Variants in LARGE1 observed in about 807,000 individuals in gnomAD.
LARGE1 encodes xylosyl- and glucuronyltransferase LARGE1.
Under a neutral mutation model 87.6 loss-of-function variants are expected in LARGE1, and 43 were observed. The ratio of observed to expected loss-of-function variants is 0.49; its 90% CI spans 0.38 to 0.63. LARGE1 has a LOEUF of 0.63. Ranked by LOEUF, LARGE1 falls within the 30% of genes least tolerant of loss-of-function variation. The probability of loss-of-function intolerance (pLI) is 0.00; values close to 1 mark genes in which losing one functional copy is unlikely to be tolerated. For missense variants in LARGE1, 802 were observed against 1,000.2 expected (o/e 0.80, Z 2.67); for synonymous variants, 434 against 394.6 (o/e 1.10, Z -1.18).
At chr22:33,357,130 G>A (rs1365918662) in intron 9 of LARGE1, among the ~76,000 whole-genome samples, 1 of 152,092 alleles carries the variant, frequency 6.6e-6, no homozygotes, top group Non-Finnish European at 1.5e-5. Flanking sequence ...GTCCATCAAT[G>A]GCTTAACGTA....
At chr22:33,131,033 CAAAAAAAAAAAAAAA>C in the LARGE1 span, among the ~76,000 whole-genome samples, 1 of 70,940 alleles carries the variant, frequency 1.4e-5, no homozygotes, top group East Asian at 5.3e-4. Flanking sequence ...GACTCCGTCT[CAAAAAAAAAAAAAAA>C]AAAAAAAAAA....
intron 2 of LARGE1, among the ~76,000 whole-genome samples, chr22:33,657,722 C>T (rs772962243): frequency 6.6e-5 from 10 of 152,214 alleles, no homozygotes; most frequent in South Asian, 2.1e-4. Context: ...GCAGGTGCCA[C>T]GGATAACATT....
intron 1 of LARGE1, among the ~76,000 whole-genome samples, chr22:33,767,347 TG>T (rs1201821299): frequency 1.3e-5 from 2 of 151,500 alleles, no homozygotes; most frequent in African/African-American, 4.8e-5. Flanking sequence ...TTAAAAGTTT[TG>T]ATCTCTATGT....
intron 11 of LARGE1, among the ~76,000 whole-genome samples, chr22:33,310,141 CTG>C (rs1935401813): frequency 2.0e-5 from 3 of 152,078 alleles, no homozygotes; most frequent in Admixed American, 2.0e-4. Context: ...GCCTGAGAAT[CTG>C]TATTTCTGAC....
intron 1 of LARGE1, among the ~76,000 whole-genome samples, chr22:33,882,068 A>G (rs8138611): frequency 0.13 from 17,900 of 133,248 alleles, 1,337 homozygotes; most frequent in East Asian, 0.41. Context: ...TTTGAGACGG[A>G]GTCTCGCTCT....
rs565337738 is a variant in LARGE1 at position 33,505,190 on chromosome 22, C to T, written c.787+59658G>A. ...TGTCCTGTCCTCTCCCTGTGTCCCA[C>T]AGTGAGCAGAGGAGACCTGTGCTCA... On this transcript the variant is annotated intron_variant, in intron 6 of 14. Transcript: ENST00000397394. Among the ~76,000 whole-genome samples, 10 of 152,364 alleles carry T rather than the reference C, an allele frequency of 6.6e-5. No individual in the cohort carries two copies. In the South Asian group the frequency reaches 2.1e-3, roughly 32 times the overall value.
At chr22:33,882,521 G>T (rs535030383) in intron 1 of LARGE1, among the ~76,000 whole-genome samples, 1 of 152,136 alleles carries the variant, frequency 6.6e-6, no homozygotes, top group Admixed American at 6.5e-5. Context: ...TCAGCAGGGG[G>T]GCATTGTTAA....
At chr22:33,084,050 T>A in the LARGE1 span, among the ~76,000 whole-genome samples, 870 of 152,324 alleles carry the variant, frequency 5.7e-3, 6 homozygotes, top group Non-Finnish European at 6.1e-3. Context: ...GTCTCCCACA[T>A]GAGTTTGCTA....
chr22:33,320,588 G>C (rs1034243507), intron 10 of LARGE1, among the ~76,000 whole-genome samples: 3 of 152,198 alleles, frequency 2.0e-5, no homozygotes, highest in African/African-American at 4.8e-5. Flanking sequence ...CTAATATCAT[G>C]TGTTGCATGC....
chr22:33,155,579 T>A, the LARGE1 span, among the ~76,000 whole-genome samples: 2 of 152,242 alleles, frequency 1.3e-5, no homozygotes, highest in Admixed American at 1.3e-4. Flanking sequence ...GGTGACTTGG[T>A]TGCTGTTAAA....
intron 2 of LARGE1, among the ~76,000 whole-genome samples, chr22:33,674,246 C>A (rs1276443411): frequency 6.6e-6 from 1 of 152,254 alleles, no homozygotes. Context: ...ACCCAGCCAA[C>A]TTCCCATTCT....
chr22:33,921,278 C>T (rs1377513401), upstream of LARGE1, among the ~76,000 whole-genome samples: 2 of 152,148 alleles, frequency 1.3e-5, no homozygotes, highest in Non-Finnish European at 2.9e-5. The surrounding 1 kb of genome is among the most constrained non-coding windows in gnomAD (Gnocchi z 4.1). Context: ...CGGGCCGGGT[C>T]GGGATGAAAG....
chr22:33,314,290 T>A (rs1935915534), intron 11 of LARGE1, among the ~76,000 whole-genome samples: 1 of 152,084 alleles, frequency 6.6e-6, no homozygotes, highest in South Asian at 2.1e-4. Flanking sequence ...AGCCTGTGAA[T>A]CCCCAAGAGA....
At chr22:33,591,981 C>G (rs939805657) in intron 5 of LARGE1, among the ~76,000 whole-genome samples, 1 of 148,536 alleles carries the variant, frequency 6.7e-6, no homozygotes, top group Non-Finnish European at 1.5e-5. Flanking sequence ...AGCTATGATT[C>G]TGCCACTGCA....
chr22:33,528,130 C>T (rs542650856), intron 6 of LARGE1, among the ~76,000 whole-genome samples: 2 of 13,754 alleles, frequency 1.5e-4, no homozygotes, highest in Non-Finnish European at 4.0e-4. Flanking sequence ...TGGCAGAGGT[C>T]GGGGGGGGCG....
intron 12 of LARGE1, among the ~76,000 whole-genome samples, chr22:33,295,332 G>A (rs915126748): frequency 2.0e-5 from 3 of 152,198 alleles, no homozygotes; most frequent in African/African-American, 7.2e-5. Context: ...CCAGTGAGAG[G>A]CAAAGAAGGG....
chr22:33,642,749 A>G (rs2080482705), intron 3 of LARGE1, among the ~76,000 whole-genome samples: 1 of 147,124 alleles, frequency 6.8e-6, no homozygotes, highest in Admixed American at 6.8e-5. Flanking sequence ...AGGAGATGCA[A>G]TCCTAGTCTC....
Position 33,347,245 on chromosome 22 carries a change from C to T in LARGE1, c.1132-9444G>A, listed in dbSNP as rs1265171603. Among the ~76,000 whole-genome samples the T allele has an allele frequency of 2.6e-5, 4 of 152,352 alleles. No homozygotes were observed. The South Asian group carries it at 6.2e-4, about 24-fold the overall frequency. On this transcript the variant is annotated intron_variant, in intron 9 of 14. Coordinates refer to ENST00000397394, the MANE Select transcript of LARGE1 (RefSeq NM_133642.5). ...GGTAGCTCTATTAGAGAACTCATTG[C>T]ATGCTTCTTGTAATTATTTATTTAC... is the stretch of plus-strand genomic sequence containing the variant.
At chr22:33,562,025 A>G (rs1050306623) in intron 6 of LARGE1, among the ~76,000 whole-genome samples, 9 of 152,238 alleles carry the variant, frequency 5.9e-5, no homozygotes, top group Non-Finnish European at 1.0e-4. Context: ...GCCAGGCCAC[A>G]TTGTATCAAC....
Sources: gnomAD v4.1 joint callset for allele counts (sites outside exome capture counted in the v4.1 genomes callset) on GRCh38, gnomAD v4.1.1 for gene constraint, Gnocchi (gnomAD v3.1) non-coding constraint, MANE v1.5 for transcripts, NCBI Gene and HGNC (gene_info 2026-07-23, HGNC 2026-07-21) for gene names.